CCDC186: variants seen among roughly 807,000 people sequenced by gnomAD.
CCDC186 encodes the protein coiled-coil domain-containing protein 186.
Under a neutral mutation model 113.7 loss-of-function variants are expected in CCDC186, and 49 were observed. That is an observed-to-expected ratio of 0.43 (90% CI 0.34 to 0.55). CCDC186 has a LOEUF of 0.55. CCDC186 is among the 20% of genes least tolerant of loss of function. The pLI is 0.02. For missense variants in CCDC186, 890 were observed against 1,011.1 expected, an observed-to-expected ratio of 0.88 and a Z score of 1.62; for synonymous variants, 355 against 345.8, an observed-to-expected ratio of 1.03 and a Z score of -0.30.
chr10:114,158,696 T>C (rs2032080988), intron 2 of CCDC186, among the ~76,000 whole-genome samples: 1 of 152,120 alleles, frequency 6.6e-6, no homozygotes, highest in African/African-American at 2.4e-5. Context: ...AAGACCTTTG[T>C]CTCTAAAAAT....
intron 11 of CCDC186, among the ~76,000 whole-genome samples, chr10:114,131,565 T>C (rs2031088651): frequency 6.6e-6 from 1 of 152,182 alleles, no homozygotes; most frequent in African/African-American, 2.4e-5. Context: ...GTGATACAGG[T>C]TGTTGAATTT....
intron 13 of CCDC186, 105 bp from the exon 14 acceptor site, chr10:114,127,776 A>G: frequency 9.5e-7 from 1 of 1,052,478 alleles, no homozygotes; most frequent in African/African-American, 1.6e-5. Flanking sequence ...ACTCTAACAG[A>G]GTTGGACACA....
intron 6 of CCDC186, among the ~76,000 whole-genome samples, chr10:114,140,272 T>C (rs983236827): frequency 1.2e-4 from 19 of 152,160 alleles, no homozygotes; most frequent in African/African-American, 4.3e-4. Flanking sequence ...GAAAGTCTCA[T>C]TGAGAAGGTG....
chr10:114,147,242 T>C (rs962683008), intron 4 of CCDC186, among the ~76,000 whole-genome samples: 3 of 152,336 alleles, frequency 2.0e-5, no homozygotes, highest in East Asian at 1.9e-4. Flanking sequence ...GTAGCAGTTG[T>C]GGCCTCTGAA....
chr10:114,138,901 G>T (rs1389467992), intron 6 of CCDC186, among the ~76,000 whole-genome samples: 1 of 152,070 alleles, frequency 6.6e-6, no homozygotes, highest in Non-Finnish European at 1.5e-5. Context: ...ATTTCAAATG[G>T]GACTTTTGGT....
Position 114,125,092 on chromosome 10 carries a change from G to A in CCDC186, c.*51C>T, listed in dbSNP as rs780274825. ...AAAGTCTCCAACAATAGAGGTCAGT[G>A]GCACCTACTCCTGTGTGGCTTTTGT... On this transcript the variant is annotated 3_prime_UTR_variant, in exon 16 of 16. Transcript: ENST00000369287. 7.5e-7 allele frequency: 1 copy of A among 1,324,820 alleles called. No homozygotes were observed. Among genetic ancestry groups the A allele is most frequent in the South Asian group, 1.3e-5 (1 of 77,366 alleles). 82.1% of individuals were successfully genotyped at this position (1,324,820 alleles called of 1,614,324 possible). A position where few individuals can be genotyped will look rare whatever the true frequency, so the allele number is the denominator to read the frequency against.
chr10:114,165,613 C>T (rs1589633538), intron 1 of CCDC186, among the ~76,000 whole-genome samples: 1 of 152,312 alleles, frequency 6.6e-6, no homozygotes, highest in African/African-American at 2.4e-5. Flanking sequence ...CTGCTTGAAC[C>T]CGGAAGGCAG....
intron 4 of CCDC186, 142 bp from the exon 5 acceptor site, chr10:114,145,903 T>C: frequency 1.3e-6 from 1 of 753,066 alleles, no homozygotes; most frequent in Non-Finnish European, 2.0e-6. Flanking sequence ...GCCATGAAAT[T>C]TTAAAATGAA....
At chr10:114,156,787 G>T (rs955664791) in intron 3 of CCDC186, among the ~76,000 whole-genome samples, 1 of 152,140 alleles carries the variant, frequency 6.6e-6, no homozygotes, top group Non-Finnish European at 1.5e-5. Flanking sequence ...AGGAAAGCCA[G>T]TAAGCCAGAT....
chr10:114,151,277 T>C, intron 3 of CCDC186, 57 bp from the exon 4 acceptor site: 1 of 1,182,318 alleles, frequency 8.5e-7, no homozygotes, highest in Non-Finnish European at 1.2e-6. Flanking sequence ...ACACCACCAA[T>C]ACTGCAAATA....
chr10:114,173,013 C>A, intron 1 of CCDC186: 1 of 288,234 alleles, frequency 3.5e-6, no homozygotes, highest in Non-Finnish European at 7.2e-6. Context: ...GAATGACTAC[C>A]AGCACACCTC....
At chr10:114,133,899 G>A (rs1052755763) in intron 10 of CCDC186, among the ~76,000 whole-genome samples, 2 of 152,166 alleles carry the variant, frequency 1.3e-5, no homozygotes, top group Non-Finnish European at 2.9e-5. Context: ...AAAGCCACAG[G>A]AGTTTTGATA....
Position 114,122,384 on chromosome 10 carries a change from C to T in CCDC186, c.*2759G>A, listed in dbSNP as rs1407187296. On this transcript the variant is annotated 3_prime_UTR_variant, in exon 16 of 16. Coordinates refer to ENST00000369287, the MANE Select transcript of CCDC186 (RefSeq NM_018017.4). ...CTGCCCAAACCTACCATTTTCAGTCCTTAAAACTAAACAGGCTAAAGTCTG... is the reference window on the plus strand; with the variant it reads ...CTGCCCAAACCTACCATTTTCAGTCTTTAAAACTAAACAGGCTAAAGTCTG... The T allele has an allele frequency of 2.0e-5, 3 of 152,244 alleles. No individual in the cohort carries two copies. The highest frequency in any genetic ancestry group is 7.2e-5 in the African/African-American group (3 of 41,536). The allele number at this position is 152,244 out of a possible 1,614,324, so 9.4% of individuals were successfully genotyped here.
chr10:114,171,517 C>T (rs964166420), intron 1 of CCDC186, among the ~76,000 whole-genome samples: 1 of 152,150 alleles, frequency 6.6e-6, no homozygotes, highest in African/African-American at 2.4e-5. Flanking sequence ...TACCACTATA[C>T]TCCAGCCTGG....
At chr10:114,172,810 AAAG>A (rs2032541387) in intron 1 of CCDC186, among the ~76,000 whole-genome samples, 3 of 152,244 alleles carry the variant, frequency 2.0e-5, no homozygotes, top group African/African-American at 7.2e-5. Context: ...AATGTTGGAT[AAAG>A]AATTGAAGTT....
At chr10:114,140,690 C>T (rs2031440097) in intron 6 of CCDC186, among the ~76,000 whole-genome samples, 1 of 152,128 alleles carries the variant, frequency 6.6e-6, no homozygotes, top group Admixed American at 6.6e-5. Flanking sequence ...TAATCTTGTC[C>T]TCTGCAGTTT....
rs1416761720 is a variant in CCDC186 at position 114,132,263 on chromosome 10, G to T, written c.1656-79C>A. 3.9e-6 allele frequency: 4 copies of T among 1,018,810 alleles called. No homozygotes were observed. The East Asian group carries it at 8.0e-5, about 20-fold the overall frequency. The allele number at this position is 1,018,810 out of a possible 1,614,324, so 63.1% of individuals were successfully genotyped here. A position where few individuals can be genotyped will look rare whatever the true frequency, so the allele number is the denominator to read the frequency against. On this transcript the variant is annotated intron_variant, in intron 10 of 15. Coordinates refer to ENST00000369287, the MANE Select transcript of CCDC186 (RefSeq NM_018017.4). ...TTAATGGTTTGGGAATTTTCATCTA[G>T]TCAAATGCTTAATAAAGGTACTTCT...
intron 2 of CCDC186, among the ~76,000 whole-genome samples, chr10:114,159,357 TATA>T (rs1161063775): frequency 1.3e-5 from 2 of 152,172 alleles, no homozygotes; most frequent in African/African-American, 4.8e-5. Flanking sequence ...GCATATTCTA[TATA>T]CAGACAACTG....
chr10:114,130,006 C>A, intron 12 of CCDC186, 35 bp from the exon 13 acceptor site: 1 of 1,592,290 alleles, frequency 6.3e-7, no homozygotes, highest in South Asian at 1.1e-5. Context: ...TCACAATTAT[C>A]AGGACCATTT....
Sources: allele counts gnomAD v4.1 joint callset (sites outside exome capture counted in the v4.1 genomes callset), GRCh38; gene constraint gnomAD v4.1.1; transcripts MANE v1.5; gene names NCBI Gene and HGNC (gene_info 2026-07-23, HGNC 2026-07-21).